Variants in ARHGAP4 observed in about 807,000 individuals in gnomAD.
ARHGAP4 encodes Rho GTPase activating protein 4, also known as rho GTPase-activating protein 4.
In ARHGAP4, 25 loss-of-function variants were observed where a neutral mutation model predicts 67.6. The observed-to-expected ratio is 0.37, with a 90% confidence interval of 0.27 to 0.52. ARHGAP4 has a LOEUF of 0.52. Ranked by LOEUF, ARHGAP4 falls within the 20% of genes least tolerant of loss-of-function variation. The pLI is 0.92. For synonymous variants in ARHGAP4, 448 were observed against 373.7 expected, an observed-to-expected ratio of 1.20 and a Z score of -2.29; for missense variants, 804 against 854.6, an observed-to-expected ratio of 0.94 and a Z score of 0.74.
chrX:153,922,388 C>T (rs1335169601), intron 1 of ARHGAP4: 8 of 754,464 alleles, frequency 1.1e-5, no homozygotes, highest in Non-Finnish European at 1.2e-5. Context: ...AGAGCTGATC[C>T]GGCCTTGTAA....
In ARHGAP4 at chrX:153,910,101, G is replaced by A; in HGVS notation, c.2157-16C>T. ...CTGGGCGTCCCTGAGGTTCAGGGCAGAGCGAGGCAGATGAGGGGGGCTCTT... is the reference window on the plus strand; with the variant it reads ...CTGGGCGTCCCTGAGGTTCAGGGCAAAGCGAGGCAGATGAGGGGGGCTCTT... On this transcript the variant is annotated splice_polypyrimidine_tract_variant and intron_variant, in intron 17 of 21. Transcript: ENST00000350060. 8.3e-7 allele frequency: 1 copy of A among 1,210,982 alleles called. No individual in the cohort carries two copies. Among genetic ancestry groups the A allele is most frequent in the Non-Finnish European group, 1.1e-6 (1 of 895,204 alleles).
intron 5 of ARHGAP4, chrX:153,919,667 G>A: frequency 6.9e-6 from 8 of 1,164,118 alleles, no homozygotes; most frequent in Non-Finnish European, 9.2e-6. Flanking sequence ...AGCGGCCACA[G>A]GCCTCTGCGG....
intron 7 of ARHGAP4, 56 bp downstream of exon 7, chrX:153,918,776 C>T (rs1179953396): frequency 8.8e-7 from 1 of 1,134,359 alleles, no homozygotes; most frequent in African/African-American, 1.8e-5. Flanking sequence ...CACTCCACTG[C>T]CCACCATTAC....
Position 153,910,058 on chromosome X carries a change from C to T in ARHGAP4, c.2184G>A (p.Ala728=), listed in dbSNP as rs374814367. ...CGGCTTCCAGCTCCGGCTCATTGTC[C>T]GCCCCCAGGCTCTCCAGCTGGGCGT... ...LGDAQLESLG[A]DNEPELEAEM... The change falls in exon 18 of 22, where the codon GCG becomes GCA. Residue 728 remains alanine, a synonymous_variant. Transcript: ENST00000350060. 7.6e-5 allele frequency: 92 copies of T among 1,209,983 alleles called. No homozygotes were observed. Among genetic ancestry groups the T allele is most frequent in the Middle Eastern group, 2.3e-4 (1 of 4,352 alleles).
rs781886307 is a variant in ARHGAP4, at chrX:153,918,688, A to G, written c.1032+144T>C. 6.2e-6 allele frequency: 4 copies of G among 649,539 alleles called. No homozygotes were observed. The African/African-American group carries it at 8.9e-5, about 14-fold the overall frequency. 53.5% of individuals were successfully genotyped at this position (649,539 alleles called of 1,213,427 possible). ...ACCCTTGGAGTGAGGCTGCAAATGGAAGTGGGACACTTCTCTAGCTGCCGC... is the reference window on the plus strand; with the variant it reads ...ACCCTTGGAGTGAGGCTGCAAATGGGAGTGGGACACTTCTCTAGCTGCCGC... On this transcript the variant is annotated intron_variant, in intron 7 of 21. Transcript: ENST00000350060.
At chrX:153,909,981 C>G (rs781883142) in intron 18 of ARHGAP4, 31 bp downstream of exon 18, 2 of 1,208,218 alleles carry the variant, frequency 1.7e-6, no homozygotes, top group East Asian at 5.9e-5. Flanking sequence ...AGGGTGGGGA[C>G]AGGGTGGGGC....
At chrX:153,913,952 G>A in intron 7 of ARHGAP4, 73 bp from the exon 8 acceptor site, 1 of 979,908 alleles carries the variant, frequency 1.0e-6, no homozygotes, top group Non-Finnish European at 1.4e-6. Context: ...GGGGCATAAG[G>A]GAAGCAAGCA....
At chrX:153,919,811 G>C (rs2065080994) in intron 5 of ARHGAP4, 2 of 711,373 alleles carry the variant, frequency 2.8e-6, no homozygotes, top group Admixed American at 4.8e-5. Context: ...TTTTGAGACA[G>C]AGTCTCGCTC....
At position 153,921,409 on chromosome X, in the gene ARHGAP4, G is replaced by A. The variant is rs782798048; in HGVS notation, c.391C>T (p.Arg131Cys). 9.9e-6 allele frequency: 12 copies of A among 1,209,353 alleles called. No homozygotes were observed. The highest frequency in any genetic ancestry group is 3.0e-5 in the East Asian group (1 of 33,746). The change falls in exon 3 of 22, where the codon CGC (arginine) becomes TGC (cysteine). Residue 131 changes from arginine to cysteine, a missense_variant. By Grantham distance (180) the Arg-to-Cys change is radical. Transcript: ENST00000350060. Reference sequence around the variant, plus strand: ...ACGTCCTCTGCAATGTGACTCAGGCGCTGGGCCAGGGGCCCGGCCAGCACC... The same window carrying A: ...ACGTCCTCTGCAATGTGACTCAGGCACTGGGCCAGGGGCCCGGCCAGCACC... ...SEVLAGPLAQ[R>C]LSHIAEDVGR...
Position 153,909,781 on chromosome X carries a change from G to T in ARHGAP4, c.2374C>A (p.Arg792=), listed in dbSNP as rs781879538. 1 of 1,198,950 alleles carries T rather than the reference G, an allele frequency of 8.3e-7. No individual in the cohort carries two copies. Among genetic ancestry groups the T allele is most frequent in the African/African-American group, 1.7e-5 (1 of 57,184 alleles). ...ATATACTTGTGGGGGATGAGGCCCC[G>T]CATGCCGTTGTGCTCCCCCCGCCAC... The part of the protein sequence containing the change: ...DWWRGEHNGM[R]GLIPHKYITL... Residue 792 remains arginine, a synonymous_variant, in exon 19 of 22, where the codon CGG becomes AGG. Coordinates refer to ENST00000350060, the MANE Select transcript of ARHGAP4 (RefSeq NM_001666.5).
At chrX:153,924,696 C>T (rs1158314268) in intron 1 of ARHGAP4, among the ~76,000 whole-genome samples, 3 of 111,479 alleles carry the variant, frequency 2.7e-5, no homozygotes, top group African/African-American at 9.8e-5. Context: ...CAGCAGTATA[C>T]TCCCAGGGCC....
chrX:153,917,505 C>G (rs1218439135), intron 7 of ARHGAP4, among the ~76,000 whole-genome samples: 1 of 112,140 alleles, frequency 8.9e-6, no homozygotes, highest in Admixed American at 9.4e-5. Flanking sequence ...CCTGTAATCC[C>G]AGCACTTTGG....
chrX:153,910,913 C>T lies in ARHGAP4; in HGVS notation c.1681+9G>A, dbSNP rs2148519436. The T allele has an allele frequency of 5.3e-6, 6 of 1,141,344 alleles. No homozygotes were observed. Among genetic ancestry groups the T allele is most frequent in the South Asian group, 2.0e-5 (1 of 51,229 alleles). The allele number at this position is 1,141,344 out of a possible 1,213,427, so 94.1% of individuals were successfully genotyped here. On this transcript the variant is annotated intron_variant, in intron 14 of 21. Transcript: ENST00000350060. ...AGCCCCCACCCCCGCCCGCCCTGCC[C>T]GTCCCCACCTCTCTCGAAGGCATCA...
chrX:153,911,123 G>T lies in ARHGAP4; in HGVS notation c.1603+6C>A. ...AGGACATCGGGAGGGGCTGGGTCCT[G>T]CTTACCATTGAGGTTGATGAAGCGA... On this transcript the variant is annotated splice_donor_region_variant and intron_variant, in intron 13 of 21. Coordinates refer to ENST00000350060, the MANE Select transcript of ARHGAP4 (RefSeq NM_001666.5). 8.5e-7 allele frequency: 1 copy of T among 1,169,727 alleles called. No individual in the cohort carries two copies. Among genetic ancestry groups the T allele is most frequent in the East Asian group, 3.2e-5 (1 of 31,060 alleles).
Position 153,919,206 on chromosome X carries a change from G to T in ARHGAP4, c.759C>A (p.Val253=). The part of the protein sequence containing the change: ...RNEYLLSLAS[V]NAAVSNYYLH... ...GGTAGTAGTTACTGACAGCAGCGTT[G>T]ACACTAGCCAGGCTAAGCAGGTACT... is the stretch of plus-strand genomic sequence containing the variant. The change falls in exon 6 of 22, where the codon GTC becomes GTA. Residue 253 remains valine, a synonymous_variant. Coordinates refer to ENST00000350060, the MANE Select transcript of ARHGAP4 (RefSeq NM_001666.5). 8.2e-7 allele frequency: 1 copy of T among 1,212,341 alleles called. No individual in the cohort carries two copies. Among genetic ancestry groups the T allele is most frequent in the Non-Finnish European group, 1.1e-6 (1 of 895,644 alleles).
At chrX:153,917,170 T>C (rs1333980760) in intron 7 of ARHGAP4, among the ~76,000 whole-genome samples, 1 of 109,775 alleles carries the variant, frequency 9.1e-6, no homozygotes, top group Non-Finnish European at 1.9e-5. Context: ...GAGCCGACAT[T>C]GCGCCACTGC....
At chrX:153,913,143 C>A (rs985735926) in intron 10 of ARHGAP4, 75 bp downstream of exon 10, 1 of 1,157,241 alleles carries the variant, frequency 8.6e-7, no homozygotes, top group East Asian at 3.2e-5. Context: ...CAAGGACAGG[C>A]GGGAGGGGAG....
Position 153,919,454 on chromosome X carries a change from C to T in ARHGAP4, c.682-171G>A, listed in dbSNP as rs2065077254. The T allele has an allele frequency of 6.3e-6, 7 of 1,115,231 alleles. No individual in the cohort carries two copies. In the Admixed American group the frequency reaches 1.9e-4, roughly 30 times the overall value. 91.9% of individuals were successfully genotyped at this position (1,115,231 alleles called of 1,213,427 possible). On this transcript the variant is annotated intron_variant, in intron 5 of 21. Coordinates refer to ENST00000350060, the MANE Select transcript of ARHGAP4 (RefSeq NM_001666.5). Reference sequence around the variant, plus strand: ...ACGCCACAGTCCACAGTGTGCTCAGCCCAGTGCCAGGAGGTGACTTGATTC... The same window carrying T: ...ACGCCACAGTCCACAGTGTGCTCAGTCCAGTGCCAGGAGGTGACTTGATTC...
chrX:153,924,269 A>G (rs1304381907), intron 1 of ARHGAP4, among the ~76,000 whole-genome samples: 2 of 111,347 alleles, frequency 1.8e-5, no homozygotes, highest in South Asian at 3.7e-4. Flanking sequence ...TTTCTTCATC[A>G]CTGCCGGCAG....
Sources: allele counts gnomAD v4.1 joint callset (sites outside exome capture counted in the v4.1 genomes callset), GRCh38; gene constraint gnomAD v4.1.1; transcripts MANE v1.5; gene names NCBI Gene and HGNC (gene_info 2026-07-23, HGNC 2026-07-21).